Variants in MAML3 observed in about 807,000 individuals in gnomAD.
MAML3 encodes mastermind-like protein 3.
A neutral mutation model predicts 101.9 loss-of-function variants in MAML3; 27 were observed. That is an observed-to-expected ratio of 0.27 (90% confidence interval 0.20 to 0.37). The LOEUF is 0.37. Among genes scored for constraint, MAML3 ranks in the 10% least tolerant of loss-of-function variants. MAML3 has a pLI of 1.00. For missense variants in MAML3, 1,316 were observed against 1,444.9 expected, an observed-to-expected ratio of 0.91 and a Z score of 1.45; for synonymous variants, 501 against 555.9, an observed-to-expected ratio of 0.90 and a Z score of 1.39.
At chr4:140,151,047 C>T (rs1054647107) in intron 1 of MAML3, among the ~76,000 whole-genome samples, 2 of 152,038 alleles carry the variant, frequency 1.3e-5, no homozygotes, top group Non-Finnish European at 2.9e-5. Context: ...CGCGATGAAG[C>T]GGGCAGGGCC....
At chr4:140,033,789 A>G (rs1450199482) in intron 1 of MAML3, among the ~76,000 whole-genome samples, 2 of 152,256 alleles carry the variant, frequency 1.3e-5, no homozygotes, top group Non-Finnish European at 2.9e-5. Context: ...GACTGAATAA[A>G]TGTTCAAATG....
At chr4:139,923,921 C>A (rs1008494856) in intron 1 of MAML3, among the ~76,000 whole-genome samples, 1 of 152,130 alleles carries the variant, frequency 6.6e-6, no homozygotes, top group Non-Finnish European at 1.5e-5. Context: ...ATGAGACTCC[C>A]TATGACCCTG....
At position 139,967,469 on chromosome 4, in the gene MAML3, G is replaced by GACAC. The variant is rs4057112; in HGVS notation, c.469-76506_469-76503dup. 8.0e-3 allele frequency among the ~76,000 whole-genome samples: 1,128 copies of GACAC among 141,546 alleles called. 8 individuals carry two copies. The highest frequency in any genetic ancestry group is 0.015 in the Middle Eastern group (4 of 274). 92.9% of individuals were successfully genotyped at this position (141,546 alleles called of 152,430 possible). On this transcript the variant is annotated intron_variant, in intron 1 of 4. Coordinates refer to ENST00000509479, the MANE Select transcript of MAML3 (RefSeq NM_018717.5). ...AATGTTGTTAGTTTTCTTTTTAAGG[G>GACAC]ACACACACACACACACACACACACA...
chr4:139,979,162 T>C (rs919691898), intron 1 of MAML3, among the ~76,000 whole-genome samples: 1 of 152,176 alleles, frequency 6.6e-6, no homozygotes, highest in Admixed American at 6.5e-5. Context: ...TTTACTCCCA[T>C]TGTAAAGGTG....
chr4:140,093,680 G>A (rs1284398007), intron 1 of MAML3, among the ~76,000 whole-genome samples: 1 of 151,764 alleles, frequency 6.6e-6, no homozygotes, highest in Non-Finnish European at 1.5e-5. Context: ...CGCCCGTCTC[G>A]GCCGCCCAAA....
chr4:140,153,651 G>T lies in MAML3; in HGVS notation c.-324C>A, dbSNP rs1015472549. ...CGGGTTGCAACTCAAGGGGAGATCC[G>T]CTCCTTGCTTGCCTTCTTTTTATAA... is the stretch of plus-strand genomic sequence containing the variant. On this transcript the variant is annotated 5_prime_UTR_variant, in exon 1 of 5. Coordinates refer to ENST00000509479, the MANE Select transcript of MAML3 (RefSeq NM_018717.5). 3.1e-6 allele frequency: 1 copy of T among 321,402 alleles called. No individual in the cohort carries two copies. Among genetic ancestry groups the T allele is most frequent in the African/African-American group, 2.2e-5 (1 of 46,470 alleles). 19.9% of individuals were successfully genotyped at this position (321,402 alleles called of 1,614,324 possible).
At chr4:139,929,248 G>A (rs1443270955) in intron 1 of MAML3, among the ~76,000 whole-genome samples, 1 of 152,170 alleles carries the variant, frequency 6.6e-6, no homozygotes, top group Admixed American at 6.5e-5. Context: ...TAGCAGCACT[G>A]GAAGTCTCTA....
At chr4:139,819,107 G>C (rs557868535) in intron 2 of MAML3, among the ~76,000 whole-genome samples, 58 of 152,286 alleles carry the variant, frequency 3.8e-4, no homozygotes, top group Non-Finnish European at 7.6e-4. Flanking sequence ...AATGAAGGCA[G>C]GTATAAAACC....
chr4:139,868,732 T>C (rs1041186115), intron 2 of MAML3, among the ~76,000 whole-genome samples: 5 of 152,178 alleles, frequency 3.3e-5, no homozygotes, highest in African/African-American at 1.2e-4. Flanking sequence ...CACTTAAAAA[T>C]TGTGGCATTT....
rs551888436 is a variant in MAML3 at position 139,766,218 on chromosome 4, C to T, written c.2080-35551G>A. Reference sequence around the variant, plus strand: ...ATGGAGTCTCACTCTGTCACCCAGGCTGGAGTGCAGTGGCATGATCTCGGC... The same window carrying T: ...ATGGAGTCTCACTCTGTCACCCAGGTTGGAGTGCAGTGGCATGATCTCGGC... On this transcript the variant is annotated intron_variant, in intron 2 of 4. Transcript: ENST00000509479. Among the ~76,000 whole-genome samples, 4 of 152,198 alleles carry T rather than the reference C, an allele frequency of 2.6e-5. No individual in the cohort carries two copies. In the South Asian group the frequency reaches 8.3e-4, roughly 32 times the overall value.
At chr4:139,839,561 G>A (rs929584565) in intron 2 of MAML3, among the ~76,000 whole-genome samples, 4 of 151,390 alleles carry the variant, frequency 2.6e-5, no homozygotes, top group African/African-American at 7.3e-5. Flanking sequence ...GATATGCAGC[G>A]TGTGTGTACA....
intron 2 of MAML3, among the ~76,000 whole-genome samples, chr4:139,881,695 G>A (rs1272694065): frequency 6.6e-6 from 1 of 152,152 alleles, no homozygotes; most frequent in East Asian, 1.9e-4. Context: ...GCACAGGAAA[G>A]CTTAATTGTA....
intron 1 of MAML3, among the ~76,000 whole-genome samples, chr4:140,044,268 G>A (rs1727142903): frequency 6.6e-6 from 1 of 152,102 alleles, no homozygotes; most frequent in Admixed American, 6.6e-5. Flanking sequence ...AGAGAGGGAG[G>A]GCTTAAAGGG....
intron 1 of MAML3, among the ~76,000 whole-genome samples, chr4:139,917,920 A>C (rs1733056070): frequency 6.6e-6 from 1 of 152,218 alleles, no homozygotes; most frequent in Non-Finnish European, 1.5e-5. Flanking sequence ...ATCTTCCTTT[A>C]CTTTACAGAA....
rs186164000 is a variant in MAML3 at position 140,035,777 on chromosome 4, C to T, written c.468+117083G>A. Among the ~76,000 whole-genome samples the T allele has an allele frequency of 6.7e-3, 916 of 136,962 alleles. 8 individuals carry two copies. The highest frequency in any genetic ancestry group is 0.01 in the Non-Finnish European group (657 of 62,612). 89.9% of individuals were successfully genotyped at this position (136,962 alleles called of 152,430 possible). A position where few individuals can be genotyped will look rare whatever the true frequency, so the allele number is the denominator to read the frequency against. ...CAGCCTGGGCAACAGAGCGAGACTC[C>T]GTCTCAAAAAAAAAAAAAAACCCAA... On this transcript the variant is annotated intron_variant, in intron 1 of 4. Coordinates refer to ENST00000509479, the MANE Select transcript of MAML3 (RefSeq NM_018717.5).
At chr4:139,796,785 G>A (rs915156174) in intron 2 of MAML3, among the ~76,000 whole-genome samples, 5 of 152,002 alleles carry the variant, frequency 3.3e-5, no homozygotes, top group African/African-American at 9.7e-5. Flanking sequence ...TAAAATGATC[G>A]CAAATCAAAA....
chr4:139,970,531 A>T (rs2110791051), intron 1 of MAML3, among the ~76,000 whole-genome samples: 1 of 152,294 alleles, frequency 6.6e-6, no homozygotes, highest in East Asian at 1.9e-4. Flanking sequence ...TCAGACAATC[A>T]AGAGATTAGT....
At chr4:139,934,164 T>G (rs1197469750) in intron 1 of MAML3, among the ~76,000 whole-genome samples, 1 of 151,794 alleles carries the variant, frequency 6.6e-6, no homozygotes, top group Non-Finnish European at 1.5e-5. Context: ...TTATGAATAT[T>G]TGTGAGTGCA....
chr4:140,092,574 C>T (rs1395178656), intron 1 of MAML3, among the ~76,000 whole-genome samples: 1 of 152,220 alleles, frequency 6.6e-6, no homozygotes, highest in East Asian at 1.9e-4. Flanking sequence ...CCCCGCCGCA[C>T]TGCTCACTCA....
Sources: allele counts gnomAD v4.1 joint callset (sites outside exome capture counted in the v4.1 genomes callset), GRCh38; gene constraint gnomAD v4.1.1; transcripts MANE v1.5; gene names NCBI Gene and HGNC (gene_info 2026-07-23, HGNC 2026-07-21).